The following TMPRSS7 variants were observed in gnomAD, a reference collection of about 807,000 sequenced individuals.
TMPRSS7 encodes the protein transmembrane serine protease 7, also known as transmembrane protease serine 7.
TMPRSS7 carries 81 observed loss-of-function variants against 95.6 expected under a neutral mutation model. The ratio of observed to expected loss-of-function variants is 0.85; its 90% confidence interval spans 0.71 to 1.02. The LOEUF (loss-of-function observed/expected upper bound fraction) is 1.02, where lower values mean the gene tolerates loss of function less well. Ranked by LOEUF, TMPRSS7 falls within the 50% of genes least tolerant of loss-of-function variation. The pLI is 0.00. For missense variants in TMPRSS7, 945 were observed against 955.2 expected, an observed-to-expected ratio of 0.99 and a Z score of 0.14; for synonymous variants, 364 against 337.8, an observed-to-expected ratio of 1.08 and a Z score of -0.85.
rs1264375801 is a variant in TMPRSS7 at position 112,080,898 on chromosome 3, T to C, written c.2362-16T>C. The C allele has an allele frequency of 1.2e-6, 2 of 1,603,382 alleles. No individual in the cohort carries two copies. The highest frequency in any genetic ancestry group is 3.3e-4 in the Middle Eastern group (2 of 6,026). On this transcript the variant is annotated splice_polypyrimidine_tract_variant and intron_variant, in intron 17 of 17. Transcript: ENST00000452346. ...GGGACCAATTTACTTTATACTTACA[T>C]TTTTTGTGTGTGTAGGGAGATTCGG...
chr3:112,074,484 C>A, intron 14 of TMPRSS7, 72 bp downstream of exon 14: 4 of 1,174,566 alleles, frequency 3.4e-6, no homozygotes, highest in Middle Eastern at 2.0e-4. Flanking sequence ...ATTTTCATTC[C>A]CTTCTTGGTG....
intron 2 of TMPRSS7, among the ~76,000 whole-genome samples, chr3:112,040,865 A>G (rs534531270): frequency 6.6e-6 from 1 of 152,298 alleles, no homozygotes; most frequent in South Asian, 2.1e-4. Flanking sequence ...AAGGAGGTAG[A>G]CAGAGAAACA....
At chr3:112,060,950 C>T (rs550546421) in intron 10 of TMPRSS7, among the ~76,000 whole-genome samples, 1 of 152,168 alleles carries the variant, frequency 6.6e-6, no homozygotes, top group Non-Finnish European at 1.5e-5. Flanking sequence ...TCCATGAAAT[C>T]TTCAGAATCC....
chr3:112,068,419 T>C (rs1266754086), intron 13 of TMPRSS7, among the ~76,000 whole-genome samples: 1 of 152,366 alleles, frequency 6.6e-6, no homozygotes, highest in African/African-American at 2.4e-5. Flanking sequence ...TTCGGCAGTA[T>C]GGCCATTTTC....
intron 14 of TMPRSS7, among the ~76,000 whole-genome samples, chr3:112,074,739 T>C (rs2073691738): frequency 1.3e-5 from 2 of 152,168 alleles, no homozygotes; most frequent in Non-Finnish European, 2.9e-5. Context: ...GGATGACCTG[T>C]TAATGCCTTA....
At chr3:112,046,718 A>G (rs2073283408) in intron 5 of TMPRSS7, among the ~76,000 whole-genome samples, 1 of 152,210 alleles carries the variant, frequency 6.6e-6, no homozygotes, top group Non-Finnish European at 1.5e-5. Context: ...CAAGGATACA[A>G]AAGTAAAGAG....
chr3:112,069,066 A>T (rs1308286207), intron 13 of TMPRSS7, among the ~76,000 whole-genome samples: 1 of 152,214 alleles, frequency 6.6e-6, no homozygotes, highest in Non-Finnish European at 1.5e-5. Flanking sequence ...CCTTTTCTGC[A>T]TCTGTTGAGA....
At chr3:112,063,498 T>C (rs1219628631) in intron 11 of TMPRSS7, 27 bp from the exon 12 acceptor site, 1 of 1,579,212 alleles carries the variant, frequency 6.3e-7, no homozygotes, top group African/African-American at 1.4e-5. Context: ...CAAGATTTTC[T>C]ATTTTTTGAT....
chr3:112,044,743 T>C (rs1251459766), intron 4 of TMPRSS7, among the ~76,000 whole-genome samples: 1 of 152,150 alleles, frequency 6.6e-6, no homozygotes, highest in Non-Finnish European at 1.5e-5. Flanking sequence ...CCATATATTA[T>C]ATCCCACCCC....
At chr3:112,072,797 G>T (rs75143448) in intron 13 of TMPRSS7, among the ~76,000 whole-genome samples, 4,565 of 152,326 alleles carry the variant, frequency 0.03, 193 homozygotes, top group African/African-American at 0.088. Flanking sequence ...TGCCACATTT[G>T]CTTAATCCAG....
At chr3:112,041,953 C>A in exon 3 of TMPRSS7, 3 of 1,551,414 alleles carry the variant, frequency 1.9e-6, no homozygotes, top group Non-Finnish European at 2.6e-6. Flanking sequence ...TTTTACTTTG[C>A]TGGGATGTTT....
At chr3:112,043,189 AC>A (rs1287517908) in intron 3 of TMPRSS7, 2 of 441,176 alleles carry the variant, frequency 4.5e-6, no homozygotes, top group Non-Finnish European at 9.2e-6. Flanking sequence ...CCTACTACAC[AC>A]CCAGGCTAGA....
chr3:112,059,090 T>A (rs552365503), intron 10 of TMPRSS7, among the ~76,000 whole-genome samples: 30 of 152,182 alleles, frequency 2.0e-4, no homozygotes, highest in Non-Finnish European at 1.2e-4. Flanking sequence ...AATGATCTCC[T>A]CTAGACAGCC....
intron 5 of TMPRSS7, 41 bp downstream of exon 5, chr3:112,045,984 G>A: frequency 6.8e-7 from 1 of 1,476,842 alleles, no homozygotes; most frequent in Non-Finnish European, 9.2e-7. Context: ...CCTTCCTGCA[G>A]GACTCCTGAT....
intron 9 of TMPRSS7, among the ~76,000 whole-genome samples, chr3:112,052,923 A>G (rs1455501728): frequency 7.2e-6 from 1 of 139,830 alleles, no homozygotes; most frequent in African/African-American, 2.6e-5. Flanking sequence ...GAAATGCTGA[A>G]GAAAAAAAAA....
rs1415230882 is a variant in TMPRSS7 at position 112,061,784 on chromosome 3, C to T, written c.1311-3C>T. On this transcript the variant is annotated splice_polypyrimidine_tract_variant and splice_region_variant and intron_variant, in intron 10 of 17. Coordinates refer to ENST00000452346, the Ensembl canonical transcript of TMPRSS7. ...GTATTCTCCCCGACTCTTGTCTCCC[C>T]AGGTACTGTGGCTCCTACATGGATC... is the stretch of plus-strand genomic sequence containing the variant. 1.2e-6 allele frequency: 2 copies of T among 1,601,576 alleles called. No homozygotes were observed. The highest frequency in any genetic ancestry group is 2.7e-5 in the African/African-American group (2 of 74,412).
At chr3:112,071,748 A>G (rs2073649601) in intron 13 of TMPRSS7, among the ~76,000 whole-genome samples, 1 of 152,170 alleles carries the variant, frequency 6.6e-6, no homozygotes, top group Non-Finnish European at 1.5e-5. Flanking sequence ...CAGCTACTGA[A>G]GCTTGTGCAT....
Position 112,050,786 on chromosome 3 carries a change from A to G in TMPRSS7, c.1203+3A>G. On this transcript the variant is annotated splice_donor_region_variant and intron_variant, in intron 9 of 17. Transcript: ENST00000452346. ...GCAAGTGTACCTGGAAATTTCAGGT[A>G]GCCTAGTTCTACCAGTGTCTTAGAA... is the stretch of plus-strand genomic sequence containing the variant. The G allele has an allele frequency of 6.4e-7, 1 of 1,550,578 alleles. No homozygotes were observed. The highest frequency in any genetic ancestry group is 1.8e-5 in the Admixed American group (1 of 55,514).
At chr3:112,048,079 A>G (rs2073302063) in intron 7 of TMPRSS7, 112 bp downstream of exon 7, 2 of 899,084 alleles carry the variant, frequency 2.2e-6, no homozygotes, top group Middle Eastern at 3.2e-4. Context: ...GTGTGCACAC[A>G]TGAGGTCAAT....
Sources: allele counts gnomAD v4.1 joint callset (sites outside exome capture counted in the v4.1 genomes callset), GRCh38; gene constraint gnomAD v4.1.1; transcripts MANE v1.5; gene names NCBI Gene and HGNC (gene_info 2026-07-23, HGNC 2026-07-21).